The following MORC2 variants were observed in gnomAD, a reference collection of about 807,000 sequenced individuals.
The protein encoded by MORC2 is ATPase MORC2.
A neutral mutation model predicts 136.0 loss-of-function variants in MORC2; 30 were observed. That is an observed-to-expected ratio of 0.22 (90% CI 0.17 to 0.30). The LOEUF (loss-of-function observed/expected upper bound fraction) is 0.30. Among genes scored for constraint, MORC2 ranks in the 10% least tolerant of loss-of-function variants. The pLI is 1.00. For synonymous variants in MORC2, 439 were observed against 487.0 expected, an observed-to-expected ratio of 0.90 and a Z score of 1.30; for missense variants, 922 against 1,333.1, an observed-to-expected ratio of 0.69 and a Z score of 4.80.
chr22:30,947,628 C>T (rs185512337), intron 5 of MORC2, among the ~76,000 whole-genome samples: 57 of 152,278 alleles, frequency 3.7e-4, no homozygotes, highest in Non-Finnish European at 3.8e-4. Flanking sequence ...CTGGGGGCTG[C>T]CAAGTCCTCG....
At chr22:30,933,654 T>A in intron 20 of MORC2, 134 bp from the exon 21 acceptor site, 2 of 853,918 alleles carry the variant, frequency 2.3e-6, no homozygotes, top group Admixed American at 4.5e-5. Context: ...CCAAGCCCCG[T>A]TGAGAGCCAC....
At position 30,945,103 on chromosome 22, in the gene MORC2, G is replaced by A. The variant is rs536609399; in HGVS notation, c.426+1238C>T. 1.3e-3 allele frequency among the ~76,000 whole-genome samples: 204 copies of A among 152,322 alleles called. 2 individuals are homozygous for A. The highest frequency in any genetic ancestry group is 4.7e-3 in the African/African-American group (196 of 41,574). On this transcript the variant is annotated intron_variant, in intron 6 of 25. Coordinates refer to ENST00000397641, the MANE Select transcript of MORC2 (RefSeq NM_001303256.3). ...CCTCCCACAGCCCTCAGGGCCTTAA[G>A]CAGGCTGCTTCTACTGACTTCCATA... is the stretch of plus-strand genomic sequence containing the variant.
In MORC2 at chr22:30,968,154, C is replaced by A; in HGVS notation, c.-265G>T. On this transcript the variant is annotated 5_prime_UTR_variant, in exon 1 of 26. Transcript: ENST00000397641. ...GTCATAAATCTGTAGCTTTAAGGAGCTTTTAGCATTAAGTTGCGATAGCTC... is the reference window on the plus strand; with the variant it reads ...GTCATAAATCTGTAGCTTTAAGGAGATTTTAGCATTAAGTTGCGATAGCTC... 1 of 413,598 alleles carries A rather than the reference C, an allele frequency of 2.4e-6. No homozygotes were observed. Among genetic ancestry groups the A allele is most frequent in the East Asian group, 4.9e-5 (1 of 20,226 alleles). The allele number at this position is 413,598 out of a possible 1,614,324, so 25.6% of individuals were successfully genotyped here. A position where few individuals can be genotyped will look rare whatever the true frequency, so the allele number is the denominator to read the frequency against.
intron 17 of MORC2, among the ~76,000 whole-genome samples, chr22:30,936,112 T>C (rs1032899183): frequency 6.6e-6 from 1 of 152,198 alleles, no homozygotes; most frequent in African/African-American, 2.4e-5. Context: ...ATAAAACATA[T>C]ACATGGCATT....
rs1014179832 is a variant in MORC2 at position 30,941,138 on chromosome 22, G to T, written c.824+295C>A. Reference sequence around the variant, plus strand: ...CTGCTTTCCTATATAGTGTCTAAAGGCCCCTTGGCCCTAAAGCCAAGAGAC... The same window carrying T: ...CTGCTTTCCTATATAGTGTCTAAAGTCCCCTTGGCCCTAAAGCCAAGAGAC... On this transcript the variant is annotated intron_variant, in intron 9 of 25. Transcript: ENST00000397641. The surrounding 1 kb of genome is among the most constrained non-coding windows in gnomAD (Gnocchi z 4.6). Among the ~76,000 whole-genome samples, 6 of 152,074 alleles carry T rather than the reference G, an allele frequency of 3.9e-5. No homozygotes were observed. Among genetic ancestry groups the T allele is most frequent in the African/African-American group, 1.2e-4 (5 of 41,412 alleles).
At chr22:30,942,376 T>C (rs1569195553) in intron 6 of MORC2, 105 bp from the exon 7 acceptor site, 1 of 1,305,542 alleles carries the variant, frequency 7.7e-7, no homozygotes, top group African/African-American at 1.5e-5. Context: ...CACACTGCCC[T>C]GTAGGTGAGG....
intron 17 of MORC2, 62 bp downstream of exon 17, chr22:30,936,449 T>C (rs765831080): frequency 1.0e-5 from 16 of 1,594,622 alleles, no homozygotes; most frequent in Non-Finnish European, 1.4e-5. Flanking sequence ...CTACTGAAGG[T>C]TCCTGTCACA....
chr22:30,961,232 T>A (rs2041041273), intron 1 of MORC2, among the ~76,000 whole-genome samples: 1 of 152,030 alleles, frequency 6.6e-6, no homozygotes, highest in South Asian at 2.1e-4. Flanking sequence ...AAAAAAAAAA[T>A]TTAAAGAACA....
Position 30,933,528 on chromosome 22 carries a change from G to A in MORC2, c.2326-8C>T, listed in dbSNP as rs1371936835. ...CCCAGCACTGTCTGAGAGCTGCGTG[G>A]AGAGCAGTCTATTAGAGGCATCCCC... On this transcript the variant is annotated splice_polypyrimidine_tract_variant and splice_region_variant and intron_variant, in intron 20 of 25. Transcript: ENST00000397641. The A allele has an allele frequency of 1.2e-6, 2 of 1,613,432 alleles. No individual in the cohort carries two copies. The highest frequency in any genetic ancestry group is 2.7e-5 in the African/African-American group (2 of 74,858).
chr22:30,938,039 G>C, intron 13 of MORC2, 26 bp downstream of exon 13: 2 of 1,614,042 alleles, frequency 1.2e-6, no homozygotes, highest in Non-Finnish European at 1.7e-6. Flanking sequence ...TCCTGGGCTA[G>C]ACAGCTCTCT....
intron 1 of MORC2, among the ~76,000 whole-genome samples, chr22:30,963,603 CT>C (rs2041082045): frequency 6.6e-6 from 1 of 152,026 alleles, no homozygotes; most frequent in Admixed American, 6.5e-5. Context: ...CCAGGCTGGT[CT>C]GGAACTCCTG....
chr22:30,967,071 T>A (rs900747909), intron 1 of MORC2: 1 of 981,014 alleles, frequency 1.0e-6, no homozygotes, highest in Non-Finnish European at 1.2e-6. Flanking sequence ...CTTACCTTCA[T>A]CTCAAAAGTA....
At chr22:30,936,251 A>G (rs1451829819) in intron 17 of MORC2, among the ~76,000 whole-genome samples, 1 of 152,224 alleles carries the variant, frequency 6.6e-6, no homozygotes, top group African/African-American at 2.4e-5. Context: ...CTAGAGTTTT[A>G]TACATTCTAA....
In MORC2 at chr22:30,968,419, G is replaced by A. The variant is rs2041162833; in HGVS notation, c.-530C>T. 1 of 153,498 alleles carries A rather than the reference G, an allele frequency of 6.5e-6. No homozygotes were observed. The highest frequency in any genetic ancestry group is 1.9e-4 in the East Asian group (1 of 5,190). 9.5% of individuals were successfully genotyped at this position (153,498 alleles called of 1,614,324 possible). On this transcript the variant is annotated 5_prime_UTR_variant, in exon 1 of 26. Transcript: ENST00000397641. ...GCCCAAGACCGGAGACCAAGATGTCGACGGAGTGTTATATGGCGCAAGTTG... is the reference window on the plus strand; with the variant it reads ...GCCCAAGACCGGAGACCAAGATGTCAACGGAGTGTTATATGGCGCAAGTTG...
chr22:30,964,229 C>T lies in MORC2; in HGVS notation c.68+3593G>A, dbSNP rs770610092. Reference sequence around the variant, plus strand: ...AAAATTACCCAGGCATGGTGGCATGCGCCTGTAGTCCCAGCTACTTGGAAG... The same window carrying T: ...AAAATTACCCAGGCATGGTGGCATGTGCCTGTAGTCCCAGCTACTTGGAAG... On this transcript the variant is annotated intron_variant, in intron 1 of 25. Coordinates refer to ENST00000397641, the MANE Select transcript of MORC2 (RefSeq NM_001303256.3). Among the ~76,000 whole-genome samples the T allele has an allele frequency of 2.5e-4, 38 of 152,200 alleles. 1 individual carries two copies. Among genetic ancestry groups the T allele is most frequent in the Non-Finnish European group, 3.4e-4 (23 of 68,008 alleles).
intron 3 of MORC2, among the ~76,000 whole-genome samples, chr22:30,954,110 C>G (rs560122704): frequency 6.6e-6 from 1 of 152,234 alleles, no homozygotes; most frequent in East Asian, 1.9e-4. Flanking sequence ...TTGAGACCAG[C>G]CTGGGCAACA....
At chr22:30,960,165 C>T (rs1033991791) in intron 1 of MORC2, among the ~76,000 whole-genome samples, 5 of 152,124 alleles carry the variant, frequency 3.3e-5, no homozygotes, top group African/African-American at 1.2e-4. Context: ...GGAGGTTTCA[C>T]CATGTTGGCC....
At chr22:30,961,449 G>T (rs1166812273) in intron 1 of MORC2, among the ~76,000 whole-genome samples, 3 of 152,044 alleles carry the variant, frequency 2.0e-5, no homozygotes, top group African/African-American at 7.2e-5. Context: ...ACATATAAGT[G>T]ACTTAGAAAC....
At position 30,956,738 on chromosome 22, in the gene MORC2, T is replaced by A. The variant is rs948573493; in HGVS notation, c.157+25A>T. The A allele has an allele frequency of 9.2e-6, 14 of 1,516,174 alleles. No homozygotes were observed. In the East Asian group the frequency reaches 3.2e-4, roughly 35 times the overall value. The allele number at this position is 1,516,174 out of a possible 1,614,324, so 93.9% of individuals were successfully genotyped here. A position where few individuals can be genotyped will look rare whatever the true frequency, so the allele number is the denominator to read the frequency against. The stretch of plus-strand genomic sequence containing the variant: ...TAAATGCATTAAGATGAACTAGACA[T>A]TAGAAGGACTAAAGCCTGACTTACC... On this transcript the variant is annotated intron_variant, in intron 3 of 25. Coordinates refer to ENST00000397641, the MANE Select transcript of MORC2 (RefSeq NM_001303256.3).
Sources: allele counts gnomAD v4.1 joint callset (sites outside exome capture counted in the v4.1 genomes callset), GRCh38; gene constraint gnomAD v4.1.1; non-coding constraint Gnocchi (gnomAD v3.1); transcripts MANE v1.5; gene names NCBI Gene and HGNC (gene_info 2026-07-23, HGNC 2026-07-21).